The following CCDC40 variants were observed in gnomAD, a reference collection of about 807,000 sequenced individuals.
CCDC40 encodes coiled-coil domain 40 molecular ruler complex subunit, also known as coiled-coil domain-containing protein 40.
In CCDC40, 104 loss-of-function variants were observed where a neutral mutation model predicts 124.5. That is an observed-to-expected ratio of 0.84 (90% CI 0.71 to 0.98). The LOEUF (loss-of-function observed/expected upper bound fraction) is 0.98, where lower values mean the gene tolerates loss of function less well. Ranked by LOEUF, CCDC40 falls within the 50% of genes least tolerant of loss-of-function variation. The pLI is 0.00. For synonymous variants in CCDC40, 580 were observed against 602.9 expected, an observed-to-expected ratio of 0.96 and a Z score of 0.56; for missense variants, 1,463 against 1,503.9, an observed-to-expected ratio of 0.97 and a Z score of 0.45.
intron 9 of CCDC40, among the ~76,000 whole-genome samples, chr17:80,059,466 A>G (rs2037840531): frequency 6.7e-6 from 1 of 149,482 alleles, no homozygotes; most frequent in African/African-American, 2.5e-5. Flanking sequence ...TGGTAGCACC[A>G]GAAACCAAAG....
chr17:80,074,880 A>T (rs907621076), intron 10 of CCDC40, among the ~76,000 whole-genome samples: 1 of 152,116 alleles, frequency 6.6e-6, no homozygotes, highest in Non-Finnish European at 1.5e-5. Context: ...ACCATTCTAG[A>T]TAACGTTAAG....
chr17:80,045,182 C>T (rs889736060), intron 3 of CCDC40, among the ~76,000 whole-genome samples: 3 of 152,208 alleles, frequency 2.0e-5, no homozygotes, highest in Non-Finnish European at 2.9e-5. Flanking sequence ...TGGGGCTGCC[C>T]GTGCAAACTG....
At chr17:80,056,657 T>G (rs1396581153) in intron 7 of CCDC40, among the ~76,000 whole-genome samples, 1 of 151,976 alleles carries the variant, frequency 6.6e-6, no homozygotes, top group Non-Finnish European at 1.5e-5. Flanking sequence ...AACAAATTGA[T>G]TTTAAAGTTC....
rs2037825438 is a variant in CCDC40, at chr17:80,058,976, G to A, written c.1436G>A (p.Ser479Asn). 6.2e-7 allele frequency: 1 copy of A among 1,614,086 alleles called. No individual in the cohort carries two copies. The highest frequency in any genetic ancestry group is 8.5e-7 in the Non-Finnish European group (1 of 1,180,044). Residue 479 changes from serine to asparagine, a missense_variant, in exon 9 of 20, where the codon AGT becomes AAT. By Grantham distance (46) the Ser-to-Asn change is conservative. Transcript: ENST00000397545. This position sits in a 1 kb window ranked among gnomAD's most constrained non-coding sequence, Gnocchi z 4.2. ...EDTRILRKAV[S>N]EACTEIDAIS... The stretch of plus-strand genomic sequence containing the variant: ...ACCCGGATTTTAAGGAAAGCAGTGA[G>A]TGAGGTAAAAGCAGTCCCCGCAGCT...
chr17:80,065,354 C>G, intron 9 of CCDC40, 131 bp from the exon 10 acceptor site: 1 of 1,240,374 alleles, frequency 8.1e-7, no homozygotes, highest in Non-Finnish European at 1.2e-6. Flanking sequence ...TCTGCAGATG[C>G]ATGATCAAGG....
intron 7 of CCDC40, among the ~76,000 whole-genome samples, chr17:80,054,243 T>A (rs986299819): frequency 2.6e-5 from 4 of 152,214 alleles, no homozygotes; most frequent in Non-Finnish European, 5.9e-5. Context: ...GTGTTGGGAA[T>A]GAGGACAACT....
chr17:80,081,937 A>C lies in CCDC40; in HGVS notation c.1868A>C (p.Glu623Ala), dbSNP rs1342152845. 1.9e-6 allele frequency: 3 copies of C among 1,613,934 alleles called. No individual in the cohort carries two copies. Among genetic ancestry groups the C allele is most frequent in the Non-Finnish European group, 2.5e-6 (3 of 1,179,938 alleles). ...AIRQAIQGEL[E>A]LRRKTDAAIR... The stretch of plus-strand genomic sequence containing the variant: ...CGCCAAGCCATCCAGGGCGAGCTGG[A>C]GCTCAGGAGGAAGACGGATGCTGCC... Residue 623 changes from glutamate (E) to alanine (A), a missense_variant, in exon 12 of 20, where the codon GAG becomes GCG. Coordinates refer to ENST00000397545, the MANE Select transcript of CCDC40 (RefSeq NM_017950.4).
chr17:80,079,176 T>A (rs746958616), intron 10 of CCDC40, among the ~76,000 whole-genome samples: 1 of 152,170 alleles, frequency 6.6e-6, no homozygotes, highest in Admixed American at 6.6e-5. Context: ...TAGTGTCTTA[T>A]CCTTTGAATA....
intron 16 of CCDC40, chr17:80,089,552 C>T: frequency 2.0e-6 from 1 of 490,822 alleles, no homozygotes; most frequent in South Asian, 2.1e-5. Flanking sequence ...CCCCCATCTC[C>T]CTCCCTCCCC....
At chr17:80,084,307 AGAGT>A (rs1240777730) in intron 12 of CCDC40, among the ~76,000 whole-genome samples, 1 of 152,196 alleles carries the variant, frequency 6.6e-6, no homozygotes. Flanking sequence ...AGCAGGAGAG[AGAGT>A]GTGTGTGAAG....
chr17:80,038,261 T>A, intron 2 of CCDC40, 75 bp downstream of exon 2: 1 of 1,023,120 alleles, frequency 9.8e-7, no homozygotes, highest in Non-Finnish European at 1.5e-6. Flanking sequence ...ACGGGCACTG[T>A]GGCTCACGCC....
In CCDC40 at chr17:80,040,163, C is replaced by G. The variant is rs1281150205; in HGVS notation, c.445C>G (p.Pro149Ala). The G allele has an allele frequency of 6.2e-7, 1 of 1,613,826 alleles. No homozygotes were observed. The highest frequency in any genetic ancestry group is 1.3e-5 in the African/African-American group (1 of 74,910). Reference protein sequence around the residue: ...QGFQQEATGPPESRERRVTSP... With the variant: ...QGFQQEATGPAESRERRVTSP... ...CTTCCAGCAAGAGGCCACCGGTCCA[C>G]CAGAATCCAGAGAAAGGAGGGTCAC... Residue 149 changes from proline to alanine, a missense_variant, in exon 3 of 20, where the codon CCA (proline) becomes GCA (alanine). By Grantham distance (27) the Pro-to-Ala change is conservative. Transcript: ENST00000397545.
At chr17:80,090,111 T>C in intron 17 of CCDC40, 1 of 1,536,388 alleles carries the variant, frequency 6.5e-7, no homozygotes, top group Non-Finnish European at 8.7e-7. Flanking sequence ...GACCCAGCTT[T>C]TACCACACGC....
Position 80,040,220 on chromosome 17 carries a change from C to T in CCDC40, c.502C>T (p.Pro168Ser). The change falls in exon 3 of 20, where the codon CCG (proline) becomes TCG (serine). Residue 168 changes from proline (P) to serine (S), a missense_variant. Pro to Ser is a moderately conservative substitution (Grantham distance 74, BLOSUM62 -1). Coordinates refer to ENST00000397545, the MANE Select transcript of CCDC40 (RefSeq NM_017950.4). ...AGAGCCATCCCACGGAGTCTTAGGC[C>T]CGTCGGAGCAAATGGGCCAGGTCAC... Reference protein sequence around the residue: ...SPEPSHGVLGPSEQMGQVTSG... With the variant: ...SPEPSHGVLGSSEQMGQVTSG... 1 of 1,613,962 alleles carries T rather than the reference C, an allele frequency of 6.2e-7. No individual in the cohort carries two copies. The highest frequency in any genetic ancestry group is 8.5e-7 in the Non-Finnish European group (1 of 1,179,966).
At chr17:80,096,406 A>G (rs2038810739) in intron 18 of CCDC40, among the ~76,000 whole-genome samples, 1 of 152,198 alleles carries the variant, frequency 6.6e-6, no homozygotes, top group African/African-American at 2.4e-5. Context: ...CTCATTTGGA[A>G]GTAACTGGAA....
At chr17:80,088,346 G>C (rs981722082) in intron 16 of CCDC40, 9 of 534,256 alleles carry the variant, frequency 1.7e-5, no homozygotes, top group African/African-American at 1.3e-4. Flanking sequence ...CTGCCTCCCA[G>C]CTTCAAGTGA....
Position 80,058,386 on chromosome 17 carries a change from G to T in CCDC40, c.1160-108G>T, listed in dbSNP as rs1445120248. ...GTCTTACCCAAAAATGGCAGGAAGG[G>T]TGCCCAGAACGGCTGTTCCCTGCTT... On this transcript the variant is annotated intron_variant, in intron 7 of 19. Coordinates refer to ENST00000397545, the MANE Select transcript of CCDC40 (RefSeq NM_017950.4). This position sits in a 1 kb window ranked among gnomAD's most constrained non-coding sequence, Gnocchi z 4.2. The T allele has an allele frequency of 2.2e-5, 21 of 959,770 alleles. No individual in the cohort carries two copies. Among genetic ancestry groups the T allele is most frequent in the Non-Finnish European group, 3.3e-5 (20 of 611,970 alleles). The allele number at this position is 959,770 out of a possible 1,614,324, so 59.5% of individuals were successfully genotyped here.
chr17:80,092,799 G>A (rs535308346), intron 17 of CCDC40, among the ~76,000 whole-genome samples: 5 of 152,136 alleles, frequency 3.3e-5, no homozygotes, highest in Non-Finnish European at 7.4e-5. Flanking sequence ...TTCATGGATC[G>A]TTTCAGTAGC....
At chr17:80,059,095 C>A (rs1413265726) in intron 9 of CCDC40, 115 bp downstream of exon 9, 18 of 1,330,650 alleles carry the variant, frequency 1.4e-5, no homozygotes, top group Middle Eastern at 1.8e-4. Flanking sequence ...GTGACTGCAG[C>A]CAGCTTACAT....
Sources: allele counts gnomAD v4.1 joint callset (sites outside exome capture counted in the v4.1 genomes callset), GRCh38; gene constraint gnomAD v4.1.1; non-coding constraint Gnocchi (gnomAD v3.1); transcripts MANE v1.5; gene names NCBI Gene and HGNC (gene_info 2026-07-23, HGNC 2026-07-21).